GRM1: variants seen among roughly 807,000 people sequenced by gnomAD.
GRM1 encodes glutamate metabotropic receptor 1.
In GRM1, 33 loss-of-function variants were observed where a neutral mutation model predicts 90.9. That is an observed-to-expected ratio of 0.36 (90% CI 0.28 to 0.49). The LOEUF (loss-of-function observed/expected upper bound fraction) is 0.49. Among genes scored for constraint, GRM1 ranks in the 20% least tolerant of loss-of-function variants. GRM1 has a pLI of 0.99. For missense variants in GRM1, 1,190 were observed against 1,534.3 expected, an observed-to-expected ratio of 0.78 and a Z score of 3.75; for synonymous variants, 700 against 613.2, an observed-to-expected ratio of 1.14 and a Z score of -2.09.
At chr6:146,235,298 C>A (rs1780599275) in intron 2 of GRM1, among the ~76,000 whole-genome samples, 1 of 151,934 alleles carries the variant, frequency 6.6e-6, no homozygotes, top group Non-Finnish European at 1.5e-5. Context: ...TTTGTTATTC[C>A]TATCTTTGTT....
chr6:146,399,524 T>A lies in GRM1; in HGVS notation c.2485T>A (p.Cys829Ser). The A allele has an allele frequency of 6.2e-7, 1 of 1,614,114 alleles. No individual in the cohort carries two copies. The highest frequency in any genetic ancestry group is 8.5e-7 in the Non-Finnish European group (1 of 1,179,988). Residue 829 changes from cysteine to serine, a missense_variant, in exon 7 of 8, where the codon TGC (cysteine) becomes AGC (serine). Around this residue, in one of 10 missense-constraint regions of GRM1, gnomAD observed 73 missense variants for 150.6 expected, o/e 0.48. Coordinates refer to ENST00000282753, the MANE Select transcript of GRM1 (RefSeq NM_001278064.2). The surrounding 1 kb of genome is among the most constrained non-coding windows in gnomAD (Gnocchi z 5.4). Reference sequence around the variant, plus strand: ...TCTCAGTGTAACAGTGGCTCTGGGGTGCATGTTCACTCCCAAGATGTACAT... The same window carrying A: ...TCTCAGTGTAACAGTGGCTCTGGGGAGCATGTTCACTCCCAAGATGTACAT... Reference protein sequence around the residue: ...VSLSVTVALGCMFTPKMYIII... With the variant: ...VSLSVTVALGSMFTPKMYIII...
chr6:146,387,343 A>C (rs1363231214), intron 6 of GRM1, among the ~76,000 whole-genome samples: 1 of 151,986 alleles, frequency 6.6e-6, no homozygotes, highest in Non-Finnish European at 1.5e-5. Context: ...TTGAACATCT[A>C]CTATGGATGA....
chr6:146,196,283 T>G (rs1369855948), intron 2 of GRM1, among the ~76,000 whole-genome samples: 4 of 147,394 alleles, frequency 2.7e-5, no homozygotes, highest in African/African-American at 1.1e-4. Flanking sequence ...ATTTATCTAG[T>G]GCAGTGGATT....
chr6:146,191,327 T>C (rs1163014915), intron 2 of GRM1, among the ~76,000 whole-genome samples: 1 of 152,194 alleles, frequency 6.6e-6, no homozygotes, highest in Non-Finnish European at 1.5e-5. Flanking sequence ...TTGTATTTGC[T>C]TCCTGCACAT....
intron 1 of GRM1, among the ~76,000 whole-genome samples, chr6:146,063,885 C>T (rs1775757172): frequency 6.6e-6 from 1 of 152,078 alleles, no homozygotes; most frequent in Non-Finnish European, 1.5e-5. Context: ...TACTCAAGTA[C>T]AGCCAAATTA....
intron 2 of GRM1, among the ~76,000 whole-genome samples, chr6:146,283,313 C>T (rs1248438120): frequency 6.6e-6 from 1 of 152,194 alleles, no homozygotes; most frequent in Non-Finnish European, 1.5e-5. Context: ...TACAAGCCCC[C>T]AACCCCTGTT....
chr6:146,175,735 T>C, intron 2 of GRM1, among the ~76,000 whole-genome samples: 1 of 151,982 alleles, frequency 6.6e-6, no homozygotes, highest in Non-Finnish European at 1.5e-5. Context: ...TCATGCACAA[T>C]TCATATGGTA....
chr6:146,383,609 G>A (rs1477136708), intron 5 of GRM1, among the ~76,000 whole-genome samples: 1 of 151,996 alleles, frequency 6.6e-6, no homozygotes, highest in African/African-American at 2.4e-5. Flanking sequence ...GTAAAAGTAG[G>A]AACAGAAAAC....
At chr6:146,198,079 G>A (rs1484858046) in intron 2 of GRM1, among the ~76,000 whole-genome samples, 4 of 152,212 alleles carry the variant, frequency 2.6e-5, no homozygotes, top group African/African-American at 4.8e-5. Context: ...TGATTGTAGT[G>A]ATGGTATCAT....
chr6:146,118,420 T>A (rs566884060), intron 1 of GRM1, among the ~76,000 whole-genome samples: 81 of 152,294 alleles, frequency 5.3e-4, no homozygotes, highest in African/African-American at 1.8e-3. Context: ...ATTACAGGCG[T>A]GAACCACTGT....
chr6:146,358,855 C>A (rs1269022024), intron 5 of GRM1, among the ~76,000 whole-genome samples: 4 of 152,202 alleles, frequency 2.6e-5, no homozygotes, highest in African/African-American at 4.8e-5. Context: ...AAAGAAACTT[C>A]TGAGATGAGT....
At chr6:146,085,355 C>G (rs1005832447) in intron 1 of GRM1, among the ~76,000 whole-genome samples, 1 of 152,098 alleles carries the variant, frequency 6.6e-6, no homozygotes, top group Non-Finnish European at 1.5e-5. Flanking sequence ...AAAAGAAACA[C>G]TAATGCCTCA....
intron 1 of GRM1, among the ~76,000 whole-genome samples, chr6:146,147,340 C>T (rs923304511): frequency 2.0e-5 from 3 of 152,140 alleles, no homozygotes; most frequent in Non-Finnish European, 4.4e-5. Context: ...GGGCAAGTTA[C>T]GTAAGTTCTC....
chr6:146,250,984 G>C (rs1447428335), intron 2 of GRM1, among the ~76,000 whole-genome samples: 1 of 152,120 alleles, frequency 6.6e-6, no homozygotes, highest in Non-Finnish European at 1.5e-5. Flanking sequence ...AGAACTTCGA[G>C]GTTTCTGACA....
At chr6:146,046,433 T>C (rs1791334460) in intron 1 of GRM1, among the ~76,000 whole-genome samples, 1 of 151,970 alleles carries the variant, frequency 6.6e-6, no homozygotes, top group South Asian at 2.1e-4. Context: ...TGCATGACTA[T>C]CATTGTAGCC....
rs188545240 is a variant in GRM1, at chr6:146,402,758, C to T, written c.2660+3059C>T. ...CTCATGACAGGCTGTTTCTGAGATA[C>T]GTGGTTGGAATGATGTTGCGTTGTC... On this transcript the variant is annotated intron_variant, in intron 7 of 7. Coordinates refer to ENST00000282753, the MANE Select transcript of GRM1 (RefSeq NM_001278064.2). 5.0e-4 allele frequency among the ~76,000 whole-genome samples: 76 copies of T among 152,234 alleles called. No individual in the cohort carries two copies. The Middle Eastern group carries it at 0.014, about 27-fold the overall frequency.
chr6:146,286,690 G>A (rs1196424833), intron 2 of GRM1, among the ~76,000 whole-genome samples: 1 of 152,188 alleles, frequency 6.6e-6, no homozygotes, highest in African/African-American at 2.4e-5. Flanking sequence ...AAGCGTAGTT[G>A]TTAACAAGTT....
intron 4 of GRM1, among the ~76,000 whole-genome samples, chr6:146,356,485 G>A (rs1785588611): frequency 2.0e-5 from 3 of 152,150 alleles, no homozygotes; most frequent in South Asian, 2.1e-4. Flanking sequence ...TGTCCTCATG[G>A]CCTAATCACC....
At chr6:146,406,467 G>T (rs906245566) in intron 7 of GRM1, among the ~76,000 whole-genome samples, 2 of 152,176 alleles carry the variant, frequency 1.3e-5, no homozygotes, top group African/African-American at 4.8e-5. Context: ...GGAAAGGAAG[G>T]TGTGTTCTTC....
Sources: gnomAD v4.1 joint callset for allele counts (sites outside exome capture counted in the v4.1 genomes callset) on GRCh38, gnomAD v4.1.1 for gene constraint, gnomAD v4.1.1 regional missense constraint, Gnocchi (gnomAD v3.1) non-coding constraint, MANE v1.5 for transcripts, NCBI Gene and HGNC (gene_info 2026-07-23, HGNC 2026-07-21) for gene names.